DPH6: variants seen among roughly 807,000 people sequenced by gnomAD.
DPH6 encodes the protein diphthamine biosynthesis 6.
A neutral mutation model predicts 38.2 loss-of-function variants in DPH6; 33 were observed. The ratio of observed to expected loss-of-function variants is 0.86; its 90% CI spans 0.65 to 1.15. DPH6 has a LOEUF of 1.15. DPH6 is among the 50% of genes most tolerant of loss of function. DPH6 has a pLI of 0.00. For synonymous variants in DPH6, 108 were observed against 103.0 expected (o/e 1.05, Z -0.30); for missense variants, 325 against 320.0 (o/e 1.02, Z -0.12).
chr15:35,478,843 AC>A (rs1177549843), intron 3 of DPH6, among the ~76,000 whole-genome samples: 1 of 151,972 alleles, frequency 6.6e-6, no homozygotes, highest in East Asian at 1.9e-4. Flanking sequence ...TAGGCTGGCA[AC>A]CCCTTAAACT....
chr15:35,541,379 C>T (rs1406222637), intron 2 of DPH6, among the ~76,000 whole-genome samples: 7 of 152,014 alleles, frequency 4.6e-5, no homozygotes, highest in Non-Finnish European at 7.4e-5. Context: ...GGCATAGAGC[C>T]GGCCCAAGTG....
chr15:35,251,936 C>A (rs1384575224), intron 3 of DPH6, among the ~76,000 whole-genome samples: 1 of 152,126 alleles, frequency 6.6e-6, no homozygotes, highest in Non-Finnish European at 1.5e-5. Flanking sequence ...GTCAGGGGTT[C>A]AAGACCAGCC....
Position 35,373,592 on chromosome 15 carries a change from C to T in DPH6, c.679G>A (p.Val227Ile). 1 of 1,608,310 alleles carries T rather than the reference C, an allele frequency of 6.2e-7. No individual in the cohort carries two copies. The highest frequency in any genetic ancestry group is 1.1e-5 in the South Asian group (1 of 90,150). ...GCAAATGCATCAGCTGAATGTATGACTACTTCTGATGAATCCCTGAAATAC... is the reference window on the plus strand; with the variant it reads ...GCAAATGCATCAGCTGAATGTATGATTACTTCTGATGAATCCCTGAAATAC... ...KKIIVDSSEVVIHSADAFAPV... is the reference protein window; with the variant it reads ...KKIIVDSSEVIIHSADAFAPV... The change falls in exon 8 of 9, where the codon GTC becomes ATC. Residue 227 changes from valine to isoleucine, a missense_variant. Physicochemically the swap from Val to Ile is conservative, Grantham distance 29. Transcript: ENST00000256538.
chr15:35,246,803 A>G (rs2051640562), intron 3 of DPH6, among the ~76,000 whole-genome samples: 1 of 152,188 alleles, frequency 6.6e-6, no homozygotes, highest in African/African-American at 2.4e-5. Flanking sequence ...CAAGGAGAAA[A>G]TGTTTAAGCC....
At chr15:35,461,875 C>G (rs1321355720) in intron 3 of DPH6, among the ~76,000 whole-genome samples, 1 of 152,128 alleles carries the variant, frequency 6.6e-6, no homozygotes, top group Admixed American at 6.5e-5. Context: ...TATTTTCCCC[C>G]TAAAATTCCA....
chr15:35,338,038 G>C (rs2052387913), intron 3 of DPH6, among the ~76,000 whole-genome samples: 1 of 151,890 alleles, frequency 6.6e-6, no homozygotes, highest in Non-Finnish European at 1.5e-5. Context: ...ATTCAAGATG[G>C]ATTAAAGACT....
chr15:35,296,489 G>A (rs902610297), intron 3 of DPH6, among the ~76,000 whole-genome samples: 1 of 151,684 alleles, frequency 6.6e-6, no homozygotes, highest in African/African-American at 2.4e-5. Context: ...TCTTTATCTG[G>A]CTCAGATTCT....
intron 5 of DPH6, among the ~76,000 whole-genome samples, chr15:35,431,749 T>C (rs1244172805): frequency 1.4e-5 from 2 of 139,556 alleles, no homozygotes; most frequent in South Asian, 2.3e-4. Flanking sequence ...AAGCAGAGAG[T>C]AGTCCTAAAT....
chr15:35,475,540 T>C (rs73380788), intron 3 of DPH6, among the ~76,000 whole-genome samples: 251 of 152,064 alleles, frequency 1.7e-3, no homozygotes, highest in African/African-American at 5.7e-3. Flanking sequence ...TGTGGAAACA[T>C]TGGTTAAAAT....
At chr15:35,434,763 T>G (rs1421047476) in intron 5 of DPH6, among the ~76,000 whole-genome samples, 1 of 152,032 alleles carries the variant, frequency 6.6e-6, no homozygotes, top group Non-Finnish European at 1.5e-5. Flanking sequence ...CTAAGGCTTT[T>G]TTTGTTTGTT....
chr15:35,408,445 C>T (rs1014537061), intron 6 of DPH6, among the ~76,000 whole-genome samples: 3 of 151,872 alleles, frequency 2.0e-5, no homozygotes, highest in Admixed American at 1.3e-4. Flanking sequence ...AGGCTACCAT[C>T]GAGTAAGTAG....
chr15:35,412,713 A>C (rs1007291697), intron 5 of DPH6, among the ~76,000 whole-genome samples: 1 of 151,732 alleles, frequency 6.6e-6, no homozygotes, highest in Admixed American at 6.6e-5. Flanking sequence ...TACTAAGTGA[A>C]AAAAGCCAAT....
At chr15:35,357,416 C>G (rs1173150494) in intron 3 of DPH6, among the ~76,000 whole-genome samples, 1 of 152,216 alleles carries the variant, frequency 6.6e-6, no homozygotes, top group East Asian at 1.9e-4. Context: ...ATTTGGCCAT[C>G]TTGGCTCCCT....
chr15:35,366,046 T>C (rs988483868), downstream of DPH6: 81 of 977,920 alleles, frequency 8.3e-5, no homozygotes, highest in Non-Finnish European at 9.5e-5. Flanking sequence ...AAAGTCATCA[T>C]TTATCTTCTT....
intron 3 of DPH6, 47 bp downstream of exon 3, chr15:35,538,227 T>C (rs373782784): frequency 5.2e-6 from 7 of 1,340,154 alleles, no homozygotes; most frequent in Non-Finnish European, 4.9e-6. Flanking sequence ...TGTAATTTGT[T>C]AAATTACACA....
At chr15:35,378,451 A>T (rs1268575279) in intron 7 of DPH6, among the ~76,000 whole-genome samples, 1 of 152,208 alleles carries the variant, frequency 6.6e-6, no homozygotes, top group Non-Finnish European at 1.5e-5. Context: ...TAGAAATACC[A>T]TTTGACGCAG....
intron 3 of DPH6, among the ~76,000 whole-genome samples, chr15:35,475,678 T>C (rs1378834601): frequency 6.6e-6 from 1 of 151,992 alleles, no homozygotes; most frequent in East Asian, 1.9e-4. Context: ...CCTATTCTGA[T>C]AGTTGTATTA....
At chr15:35,510,708 A>T (rs2054757971) in intron 3 of DPH6, among the ~76,000 whole-genome samples, 1 of 152,168 alleles carries the variant, frequency 6.6e-6, no homozygotes, top group Non-Finnish European at 1.5e-5. Flanking sequence ...ATAATATACC[A>T]TGAAATTAAA....
downstream of DPH6, among the ~76,000 whole-genome samples, chr15:35,368,662 T>C (rs76574984): frequency 5.2e-4 from 79 of 152,030 alleles, no homozygotes; most frequent in Non-Finnish European, 1.0e-3. Context: ...TGAATTTTCA[T>C]AGTAAATGAG....
Sources: allele counts gnomAD v4.1 joint callset (sites outside exome capture counted in the v4.1 genomes callset), GRCh38; gene constraint gnomAD v4.1.1; transcripts MANE v1.5; gene names NCBI Gene and HGNC (gene_info 2026-07-23, HGNC 2026-07-21).